RABGAP1: variants seen among roughly 807,000 people sequenced by gnomAD.
RABGAP1 encodes rab GTPase-activating protein 1.
RABGAP1 carries 23 observed loss-of-function variants against 137.6 expected under a neutral mutation model. That is an observed-to-expected ratio of 0.17 (90% CI 0.12 to 0.24). The LOEUF (loss-of-function observed/expected upper bound fraction) is 0.24. Among genes scored for constraint, RABGAP1 ranks in the 10% least tolerant of loss-of-function variants. The pLI is 1.00. For synonymous variants in RABGAP1, 451 were observed against 450.7 expected, an observed-to-expected ratio of 1.00 and a Z score of -0.01; for missense variants, 906 against 1,275.8, an observed-to-expected ratio of 0.71 and a Z score of 4.42.
chr9:122,953,135 C>T lies in RABGAP1; in HGVS notation c.-49-3876C>T, dbSNP rs548575824. Among the ~76,000 whole-genome samples, 4 of 152,286 alleles carry T rather than the reference C, an allele frequency of 2.6e-5. No homozygotes were observed. In the South Asian group the frequency reaches 8.3e-4, roughly 32 times the overall value. Reference sequence around the variant, plus strand: ...AATTAACTCATACAGGCACTGTAGACATAAGCCAAGAAGTAGAGATAGTAT... The same window carrying T: ...AATTAACTCATACAGGCACTGTAGATATAAGCCAAGAAGTAGAGATAGTAT... On this transcript the variant is annotated intron_variant, in intron 1 of 25. Coordinates refer to ENST00000373647, the MANE Select transcript of RABGAP1 (RefSeq NM_012197.4).
At chr9:123,054,045 AC>A (rs2033597467) in intron 13 of RABGAP1, among the ~76,000 whole-genome samples, 2 of 152,208 alleles carry the variant, frequency 1.3e-5, no homozygotes, top group Admixed American at 1.3e-4. Context: ...CTAATGGAAG[AC>A]TTTTAAAACC....
intron 13 of RABGAP1, among the ~76,000 whole-genome samples, chr9:123,027,265 G>A (rs1477365199): frequency 6.6e-6 from 1 of 152,076 alleles, no homozygotes; most frequent in African/African-American, 2.4e-5. Context: ...ACAGGCATGT[G>A]CCACCATGCC....
intron 17 of RABGAP1, 32 bp downstream of exon 17, chr9:123,074,460 T>C: frequency 6.3e-7 from 1 of 1,584,114 alleles, no homozygotes; most frequent in Non-Finnish European, 8.6e-7. Context: ...ACTTTGGCTT[T>C]TGTTTGCAGT....
intron 13 of RABGAP1, among the ~76,000 whole-genome samples, chr9:123,064,673 A>G (rs1189246025): frequency 2.0e-5 from 3 of 152,222 alleles, no homozygotes; most frequent in Middle Eastern, 3.2e-3. Flanking sequence ...AATATTAGAA[A>G]TAACTGGGTG....
chr9:123,073,425 C>T, intron 15 of RABGAP1, 127 bp from the exon 16 acceptor site: 1 of 1,189,820 alleles, frequency 8.4e-7, no homozygotes. Context: ...TGAGTTTCTG[C>T]ATAGCACTAA....
At chr9:123,011,345 T>G (rs1240809343) in intron 11 of RABGAP1, among the ~76,000 whole-genome samples, 1 of 152,172 alleles carries the variant, frequency 6.6e-6, no homozygotes, top group Non-Finnish European at 1.5e-5. Context: ...AATCTAGTAG[T>G]CATCAGTGGA....
At chr9:122,976,220 C>T (rs555145337) in intron 2 of RABGAP1, among the ~76,000 whole-genome samples, 79 of 152,094 alleles carry the variant, frequency 5.2e-4, no homozygotes, top group Non-Finnish European at 8.1e-4. Context: ...TTATTGTTTT[C>T]CTTAACAATT....
chr9:123,034,339 G>A, intron 13 of RABGAP1: 1 of 555,710 alleles, frequency 1.8e-6, no homozygotes, highest in Non-Finnish European at 3.1e-6. Context: ...CCGCGTCTGG[G>A]ACTGGCCAGA....
intron 13 of RABGAP1, chr9:123,020,805 C>A: frequency 1.9e-6 from 1 of 518,812 alleles, no homozygotes; most frequent in Non-Finnish European, 2.5e-6. Flanking sequence ...CAGAAATGTG[C>A]TCTTGGTAGG....
chr9:122,993,026 T>C (rs1280727513), intron 6 of RABGAP1, among the ~76,000 whole-genome samples: 1 of 151,678 alleles, frequency 6.6e-6, no homozygotes, highest in Non-Finnish European at 1.5e-5. Flanking sequence ...TTTCAAAGAA[T>C]TATTATTATG....
intron 13 of RABGAP1, among the ~76,000 whole-genome samples, chr9:123,050,207 G>A (rs1462897289): frequency 6.6e-6 from 1 of 152,216 alleles, no homozygotes; most frequent in African/African-American, 2.4e-5. Context: ...GAGCTTTGGA[G>A]TAGAAATTTT....
chr9:123,035,162 T>G (rs765337731), intron 13 of RABGAP1: 2 of 1,614,058 alleles, frequency 1.2e-6, no homozygotes, highest in South Asian at 2.2e-5. Context: ...GTGATGATGT[T>G]ATATGCCCCA....
rs1001663962 is a variant in RABGAP1, at chr9:123,070,965, C to T, written c.1983+541C>T. Reference sequence around the variant, plus strand: ...TGCTTTTTCTGTTTGTCTCCCTCTGCATCTCTTTTTTTCTCTTTTCTGCAT... The same window carrying T: ...TGCTTTTTCTGTTTGTCTCCCTCTGTATCTCTTTTTTTCTCTTTTCTGCAT... On this transcript the variant is annotated intron_variant, in intron 15 of 25. Transcript: ENST00000373647. The surrounding 1 kb of genome is among the most constrained non-coding windows in gnomAD (Gnocchi z 4.4). Among the ~76,000 whole-genome samples, 2 of 152,146 alleles carry T rather than the reference C, an allele frequency of 1.3e-5. No homozygotes were observed. Among genetic ancestry groups the T allele is most frequent in the Admixed American group, 6.5e-5 (1 of 15,274 alleles).
At chr9:122,960,174 A>G (rs1486004246) in intron 2 of RABGAP1, among the ~76,000 whole-genome samples, 2 of 152,188 alleles carry the variant, frequency 1.3e-5, no homozygotes, top group Non-Finnish European at 2.9e-5. Context: ...GAAACTAGGG[A>G]AAGACACAGC....
intron 2 of RABGAP1, among the ~76,000 whole-genome samples, chr9:122,961,506 C>T (rs1834850268): frequency 6.6e-6 from 1 of 152,210 alleles, no homozygotes; most frequent in African/African-American, 2.4e-5. Context: ...TTGGCAGACC[C>T]ACTTTACAAG....
intron 10 of RABGAP1, among the ~76,000 whole-genome samples, chr9:123,000,439 C>T (rs1310141292): frequency 6.6e-6 from 1 of 152,150 alleles, no homozygotes; most frequent in Non-Finnish European, 1.5e-5. Context: ...ATCAAGGTCA[C>T]CACTGATTTA....
At chr9:123,050,438 A>C (rs1208822900) in intron 13 of RABGAP1, among the ~76,000 whole-genome samples, 1 of 152,254 alleles carries the variant, frequency 6.6e-6, no homozygotes, top group Non-Finnish European at 1.5e-5. Context: ...CTGCTGTTGC[A>C]CTGGTGTGGA....
chr9:123,031,346 C>T (rs2032285979), intron 13 of RABGAP1, among the ~76,000 whole-genome samples: 1 of 152,080 alleles, frequency 6.6e-6, no homozygotes, highest in Non-Finnish European at 1.5e-5. Context: ...AAAATAAAGT[C>T]TATGGCAAGT....
chr9:122,983,566 T>C (rs1484651918), intron 2 of RABGAP1, among the ~76,000 whole-genome samples: 1 of 152,190 alleles, frequency 6.6e-6, no homozygotes, highest in Non-Finnish European at 1.5e-5. Context: ...GGAATATTGC[T>C]TCCTAGCATC....
Sources: allele counts gnomAD v4.1 joint callset (sites outside exome capture counted in the v4.1 genomes callset), GRCh38; gene constraint gnomAD v4.1.1; non-coding constraint Gnocchi (gnomAD v3.1); transcripts MANE v1.5; gene names NCBI Gene and HGNC (gene_info 2026-07-23, HGNC 2026-07-21).